The following PAPPA variants were observed in gnomAD, a reference collection of about 807,000 sequenced individuals.
The protein encoded by PAPPA is pappalysin-1.
In PAPPA, 60 loss-of-function variants were observed where a neutral mutation model predicts 164.0. The observed-to-expected ratio is 0.37, with a 90% confidence interval of 0.30 to 0.45. The LOEUF is 0.45. Among genes scored for constraint, PAPPA ranks in the 20% least tolerant of loss-of-function variants. The pLI, the probability that PAPPA is intolerant of heterozygous loss-of-function variation, is 1.00. For synonymous variants in PAPPA, 875 were observed against 814.1 expected, an observed-to-expected ratio of 1.07 and a Z score of -1.27; for missense variants, 1,782 against 2,087.3, an observed-to-expected ratio of 0.85 and a Z score of 2.85.
intron 13 of PAPPA, among the ~76,000 whole-genome samples, chr9:116,339,690 A>T (rs1239343428): frequency 6.6e-6 from 1 of 152,168 alleles, no homozygotes; most frequent in African/African-American, 2.4e-5. Context: ...TTCTGTTTTT[A>T]TCTCTGCTTC....
In PAPPA at chr9:116,271,578, A is replaced by G. The variant is rs1845138395; in HGVS notation, c.2953+162A>G. 6.6e-6 allele frequency among the ~76,000 whole-genome samples: 1 copy of G among 152,198 alleles called. No homozygotes were observed. Among genetic ancestry groups the G allele is most frequent in the Non-Finnish European group, 1.5e-5 (1 of 68,034 alleles). ...CTACATGCCAGGCACTGTTTTCAAT[A>G]TCGGGAAATACAGCAGTGAAAAAAC... is the stretch of plus-strand genomic sequence containing the variant. On this transcript the variant is annotated intron_variant, in intron 9 of 21. Coordinates refer to ENST00000328252, the MANE Select transcript of PAPPA (RefSeq NM_002581.5). This position sits in a 1 kb window ranked among gnomAD's most constrained non-coding sequence, Gnocchi z 4.2.
At chr9:116,216,367 C>T (rs762671750) in intron 4 of PAPPA, among the ~76,000 whole-genome samples, 7 of 152,158 alleles carry the variant, frequency 4.6e-5, no homozygotes, top group Non-Finnish European at 7.3e-5. Context: ...ATGCAGTGTG[C>T]CCTTTCAGCC....
rs1030659804 is a variant in PAPPA, at chr9:116,201,995, C to T, written c.1479-5461C>T. ...GAAGCATGACTCTGGCGTGACATTG[C>T]TTAAAGATCTCCTCAGCTATCACTT... On this transcript the variant is annotated intron_variant, in intron 2 of 21. Transcript: ENST00000328252. 9.0e-4 allele frequency among the ~76,000 whole-genome samples: 137 copies of T among 152,252 alleles called. 1 individual carries two copies. The highest frequency in any genetic ancestry group is 3.2e-3 in the African/African-American group (134 of 41,554).
intron 8 of PAPPA, 48 bp downstream of exon 8, chr9:116,266,033 C>CTTAACTT: frequency 6.5e-7 from 1 of 1,535,390 alleles, no homozygotes; most frequent in Non-Finnish European, 8.9e-7. Context: ...CTGGTTAGGT[C>CTTAACTT]AAGAGATGGT....
At chr9:116,394,751 T>A (rs978201) in intron 21 of PAPPA, among the ~76,000 whole-genome samples, 53,559 of 152,116 alleles carry the variant, frequency 0.35, 9,910 homozygotes, top group Non-Finnish European at 0.41. Context: ...AGAGAGGTGC[T>A]GCTTGGAAAA....
In PAPPA at chr9:116,270,025, A is replaced by G. The variant is rs576030329; in HGVS notation, c.2862-1300A>G. Among the ~76,000 whole-genome samples the G allele has an allele frequency of 3.3e-5, 5 of 152,286 alleles. No homozygotes were observed. The East Asian group carries it at 7.7e-4, about 24-fold the overall frequency. ...CTGACACCTCTTAAAAGCAACAAACATTGCCCAGTGTTAATTGCCTGGGTG... is the reference window on the plus strand; with the variant it reads ...CTGACACCTCTTAAAAGCAACAAACGTTGCCCAGTGTTAATTGCCTGGGTG... On this transcript the variant is annotated intron_variant, in intron 8 of 21. Transcript: ENST00000328252.
chr9:116,202,239 T>C (rs1587949675), intron 2 of PAPPA, among the ~76,000 whole-genome samples: 1 of 152,172 alleles, frequency 6.6e-6, no homozygotes, highest in East Asian at 1.9e-4. Flanking sequence ...GCATTTTGAA[T>C]GTGGTTCCCT....
At chr9:116,373,966 G>C (rs1204793007) in intron 19 of PAPPA, among the ~76,000 whole-genome samples, 1 of 152,124 alleles carries the variant, frequency 6.6e-6, no homozygotes, top group East Asian at 1.9e-4. Flanking sequence ...CCAGGGCTTA[G>C]AGCATAATAT....
At position 116,375,611 on chromosome 9, in the gene PAPPA, T is replaced by C. The variant is rs150085021; in HGVS notation, c.4606-1965T>C. Among the ~76,000 whole-genome samples, 1,286 of 152,294 alleles carry C rather than the reference T, an allele frequency of 8.4e-3. 23 individuals carry two copies. Among genetic ancestry groups the C allele is most frequent in the African/African-American group, 0.03 (1,240 of 41,548 alleles). On this transcript the variant is annotated intron_variant, in intron 19 of 21. Transcript: ENST00000328252. Reference sequence around the variant, plus strand: ...CCTCTGTCAGGCATTCCTGAAGGCATGGCATATCTAATGTGAACCTGAGAT... The same window carrying C: ...CCTCTGTCAGGCATTCCTGAAGGCACGGCATATCTAATGTGAACCTGAGAT...
intron 2 of PAPPA, among the ~76,000 whole-genome samples, chr9:116,195,593 G>A (rs565826968): frequency 6.6e-6 from 1 of 152,196 alleles, no homozygotes; most frequent in African/African-American, 2.4e-5. Context: ...CTAGTGCATT[G>A]GGTGGTTTAG....
chr9:116,322,385 G>A (rs1366861627), intron 10 of PAPPA, among the ~76,000 whole-genome samples: 1 of 148,678 alleles, frequency 6.7e-6, no homozygotes, highest in African/African-American at 2.5e-5. Context: ...ATTCCAGCCT[G>A]GGGTACAATA....
intron 9 of PAPPA, among the ~76,000 whole-genome samples, chr9:116,298,890 C>T (rs1193424627): frequency 6.6e-6 from 1 of 152,190 alleles, no homozygotes; most frequent in Non-Finnish European, 1.5e-5. Flanking sequence ...TTCACTACAA[C>T]CTGCTCAGCA....
chr9:116,220,486 A>ATATAT (rs971187362), intron 5 of PAPPA, among the ~76,000 whole-genome samples: 2 of 148,374 alleles, frequency 1.3e-5, no homozygotes, highest in Admixed American at 1.4e-4. Flanking sequence ...ATATTATATT[A>ATATAT]TATATTATAT....
chr9:116,179,647 C>G (rs745479743), intron 1 of PAPPA, among the ~76,000 whole-genome samples: 1 of 152,192 alleles, frequency 6.6e-6, no homozygotes, highest in Non-Finnish European at 1.5e-5. Flanking sequence ...GATATCCCAG[C>G]CTTCCTCTGA....
intron 7 of PAPPA, among the ~76,000 whole-genome samples, chr9:116,248,770 T>C (rs889914605): frequency 6.6e-6 from 1 of 152,202 alleles, no homozygotes. Context: ...AGATGGTCAA[T>C]AAATACAGAT....
rs1417332219 is a variant in PAPPA at position 116,156,630 on chromosome 9, C to T, written c.415+2043C>T. On this transcript the variant is annotated intron_variant, in intron 1 of 21. Coordinates refer to ENST00000328252, the MANE Select transcript of PAPPA (RefSeq NM_002581.5). ...CTGCTGTCGTGTAGCACCAGAAAGC[C>T]AGGAGCTTTTCCCCTGAGGATTCTG... 2.0e-5 allele frequency among the ~76,000 whole-genome samples: 3 copies of T among 151,742 alleles called. No homozygotes were observed. In the East Asian group the frequency reaches 5.8e-4, roughly 29 times the overall value.
At chr9:116,322,155 G>C (rs960400684) in intron 10 of PAPPA, among the ~76,000 whole-genome samples, 1 of 152,094 alleles carries the variant, frequency 6.6e-6, no homozygotes, top group Admixed American at 6.5e-5. Flanking sequence ...GGCCAGGCGC[G>C]GTGACTCACG....
chr9:116,366,452 AACTC>A (rs1846501075), intron 18 of PAPPA, among the ~76,000 whole-genome samples: 1 of 152,210 alleles, frequency 6.6e-6, no homozygotes, highest in South Asian at 2.1e-4. Context: ...TTTAATCCAT[AACTC>A]ACTCATTCAC....
intron 10 of PAPPA, among the ~76,000 whole-genome samples, chr9:116,309,041 G>A (rs1229669848): frequency 6.6e-6 from 1 of 151,958 alleles, no homozygotes; most frequent in Non-Finnish European, 1.5e-5. Context: ...TAAAATGTCA[G>A]TGAAAGGGAA....
Sources: allele counts gnomAD v4.1 joint callset (sites outside exome capture counted in the v4.1 genomes callset), GRCh38; gene constraint gnomAD v4.1.1; non-coding constraint Gnocchi (gnomAD v3.1); transcripts MANE v1.5; gene names NCBI Gene and HGNC (gene_info 2026-07-23, HGNC 2026-07-21).